The following GAB1 variants were observed in gnomAD, a reference collection of about 807,000 sequenced individuals.
The protein encoded by GAB1 is GRB2 associated binding protein 1.
Under a neutral mutation model 66.5 loss-of-function variants are expected in GAB1, and 19 were observed. The observed-to-expected ratio is 0.29, with a 90% confidence interval of 0.20 to 0.42. GAB1 has a LOEUF of 0.42. Among genes scored for constraint, GAB1 ranks in the 10% least tolerant of loss-of-function variants. The probability of loss-of-function intolerance (pLI) is 1.00; values close to 1 mark genes in which losing one functional copy is unlikely to be tolerated. For synonymous variants in GAB1, 294 were observed against 301.4 expected (o/e 0.98, Z 0.25); for missense variants, 732 against 858.5 (o/e 0.85, Z 1.84).
At chr4:143,459,237 A>G in intron 6 of GAB1, 148 bp from the exon 7 acceptor site, 1 of 614,470 alleles carries the variant, frequency 1.6e-6, no homozygotes, top group Non-Finnish European at 2.9e-6. Flanking sequence ...AAATCATGTA[A>G]CATTCATGGA....
chr4:143,453,031 C>T (rs1735004854), intron 6 of GAB1, among the ~76,000 whole-genome samples: 1 of 152,140 alleles, frequency 6.6e-6, no homozygotes, highest in Non-Finnish European at 1.5e-5. Context: ...GACAGGCCTC[C>T]TTACACCTTG....
In GAB1 at chr4:143,346,530, A is replaced by T. The variant is rs151237746; in HGVS notation, c.72+9270A>T. 2.3e-4 allele frequency among the ~76,000 whole-genome samples: 35 copies of T among 152,278 alleles called. No homozygotes were observed. The East Asian group carries it at 4.8e-3, about 21-fold the overall frequency. Reference sequence around the variant, plus strand: ...TGATTATCGAGAGAGAAGTGCTTTAATCTTTGACTTTTGTAAGAGAGATAC... The same window carrying T: ...TGATTATCGAGAGAGAAGTGCTTTATTCTTTGACTTTTGTAAGAGAGATAC... On this transcript the variant is annotated intron_variant, in intron 1 of 9. Coordinates refer to ENST00000262994, the MANE Select transcript of GAB1 (RefSeq NM_002039.4).
At chr4:143,349,167 T>G in intron 1 of GAB1, 2 of 452,014 alleles carry the variant, frequency 4.4e-6, no homozygotes, top group Non-Finnish European at 7.7e-6. Context: ...GGTCCCCCCC[T>G]TCCTAGATTA....
In GAB1 at chr4:143,425,148, A is replaced by G. The variant is rs1337166179; in HGVS notation, c.368-8343A>G. ...AGGTGGCACCAGTCTTGACTTCCAG[A>G]TGGAATAGTACATCTCTAAAAGGAA... On this transcript the variant is annotated intron_variant, in intron 2 of 9. Coordinates refer to ENST00000262994, the MANE Select transcript of GAB1 (RefSeq NM_002039.4). The G allele has an allele frequency of 1.3e-5, 11 of 815,392 alleles. No homozygotes were observed. The East Asian group carries it at 2.4e-4, about 18-fold the overall frequency. 50.5% of individuals were successfully genotyped at this position (815,392 alleles called of 1,614,324 possible).
chr4:143,349,795 C>T (rs573482922), intron 1 of GAB1: 109 of 1,588,070 alleles, frequency 6.9e-5, no homozygotes, highest in Admixed American at 5.4e-4. Flanking sequence ...GAACCTCGTG[C>T]GCTGGCCGGC....
chr4:143,468,615 TGAC>T (rs1735922386), intron 9 of GAB1, among the ~76,000 whole-genome samples: 1 of 152,108 alleles, frequency 6.6e-6, no homozygotes, highest in South Asian at 2.1e-4. Flanking sequence ...TTTTTGTGTA[TGAC>T]CCAGAAAAAT....
intron 7 of GAB1, among the ~76,000 whole-genome samples, 190 bp downstream of exon 7, chr4:143,459,668 C>T (rs951055477): frequency 1.3e-5 from 2 of 152,046 alleles, no homozygotes; most frequent in Non-Finnish European, 2.9e-5. Context: ...ATTTTTTCTC[C>T]TTCTGAGTGT....
At chr4:143,456,297 A>T (rs1735186618) in intron 6 of GAB1, among the ~76,000 whole-genome samples, 1 of 152,118 alleles carries the variant, frequency 6.6e-6, no homozygotes, top group Admixed American at 6.5e-5. Flanking sequence ...CTCTACTAAA[A>T]ATACAAAAAA....
Position 143,428,196 on chromosome 4 carries a change from C to T in GAB1, c.368-5295C>T, listed in dbSNP as rs531975011. Among the ~76,000 whole-genome samples the T allele has an allele frequency of 2.4e-4, 36 of 152,322 alleles. 1 individual carries two copies. The South Asian group carries it at 6.6e-3, about 28-fold the overall frequency. ...CACTCACCTGAGCTGTGCCTTTTAA[C>T]TTCCATTATTGTCTGCCTCTGGACC... On this transcript the variant is annotated intron_variant, in intron 2 of 9. Coordinates refer to ENST00000262994, the MANE Select transcript of GAB1 (RefSeq NM_002039.4).
chr4:143,407,233 A>G (rs563874156), intron 1 of GAB1, among the ~76,000 whole-genome samples: 13 of 151,656 alleles, frequency 8.6e-5, no homozygotes, highest in African/African-American at 2.9e-4. Context: ...CCACCTATGT[A>G]TATTAAATAC....
rs111793718 is a variant in GAB1, at chr4:143,461,290, C to A, written c.1803+803C>A. 9.1e-3 allele frequency among the ~76,000 whole-genome samples: 1,387 copies of A among 152,284 alleles called. 9 individuals are homozygous for A. The highest frequency in any genetic ancestry group is 0.02 in the Middle Eastern group (6 of 294). ...AGTAAAAGAAAATAAATATTTGTGACTCAAGAGAGAAGTTTCTTTCTTTCT... is the reference window on the plus strand; with the variant it reads ...AGTAAAAGAAAATAAATATTTGTGAATCAAGAGAGAAGTTTCTTTCTTTCT... On this transcript the variant is annotated intron_variant, in intron 8 of 9. Coordinates refer to ENST00000262994, the MANE Select transcript of GAB1 (RefSeq NM_002039.4).
At chr4:143,422,298 A>T (rs1046501962) in intron 2 of GAB1, among the ~76,000 whole-genome samples, 1 of 152,212 alleles carries the variant, frequency 6.6e-6, no homozygotes, top group Non-Finnish European at 1.5e-5. Flanking sequence ...TTTACATTTA[A>T]TTGTGAACAT....
At chr4:143,445,133 G>A (rs1330575167) in intron 6 of GAB1, among the ~76,000 whole-genome samples, 1 of 152,148 alleles carries the variant, frequency 6.6e-6, no homozygotes, top group Non-Finnish European at 1.5e-5. Context: ...AGGTTTAATG[G>A]TAGTTCTGTT....
At chr4:143,352,863 C>T (rs1198264126) in intron 1 of GAB1, among the ~76,000 whole-genome samples, 1 of 152,270 alleles carries the variant, frequency 6.6e-6, no homozygotes, top group East Asian at 1.9e-4. Context: ...TGCTGTGCTG[C>T]TTAAAAAGAT....
chr4:143,386,267 T>G (rs1422036582), intron 1 of GAB1, among the ~76,000 whole-genome samples: 3 of 152,218 alleles, frequency 2.0e-5, no homozygotes, highest in African/African-American at 7.2e-5. Context: ...TCAGATTTTT[T>G]TGGGATTTTG....
At chr4:143,435,501 T>G (rs1404375637) in intron 3 of GAB1, among the ~76,000 whole-genome samples, 3 of 152,222 alleles carry the variant, frequency 2.0e-5, no homozygotes, top group Admixed American at 2.0e-4. Context: ...TTTTATATAG[T>G]GTATTTCATT....
intron 6 of GAB1, among the ~76,000 whole-genome samples, chr4:143,451,850 C>T (rs922456659): frequency 6.6e-6 from 1 of 151,314 alleles, no homozygotes; most frequent in Non-Finnish European, 1.5e-5. Flanking sequence ...CCATACAGTG[C>T]GAGTTCATCA....
chr4:143,432,221 G>A (rs928548432), intron 2 of GAB1, among the ~76,000 whole-genome samples: 5 of 152,170 alleles, frequency 3.3e-5, no homozygotes, highest in South Asian at 2.1e-4. Context: ...TGGGAGTGAC[G>A]GGAGTTGTGG....
At chr4:143,405,248 ATG>A (rs2149705121) in intron 1 of GAB1, among the ~76,000 whole-genome samples, 1 of 152,296 alleles carries the variant, frequency 6.6e-6, no homozygotes, top group Non-Finnish European at 1.5e-5. Flanking sequence ...GAGAGAGACT[ATG>A]TAACTGTGTA....
Sources: allele counts gnomAD v4.1 joint callset (sites outside exome capture counted in the v4.1 genomes callset), GRCh38; gene constraint gnomAD v4.1.1; transcripts MANE v1.5; gene names NCBI Gene and HGNC (gene_info 2026-07-23, HGNC 2026-07-21).